The following SND1 variants were observed in gnomAD, a reference collection of about 807,000 sequenced individuals.
The protein encoded by SND1 is staphylococcal nuclease and tudor domain containing 1.
In SND1, 38 loss-of-function variants were observed where a neutral mutation model predicts 121.7. The ratio of observed to expected loss-of-function variants is 0.31; its 90% CI spans 0.24 to 0.41. SND1 has a LOEUF of 0.41. SND1 is among the 10% of genes least tolerant of loss of function. SND1 has a pLI of 1.00. For synonymous variants in SND1, 401 were observed against 447.4 expected (o/e 0.90, Z 1.31); for missense variants, 868 against 1,184.6 (o/e 0.73, Z 3.92).
chr7:127,730,000 G>A (rs1587625372), intron 10 of SND1, among the ~76,000 whole-genome samples: 1 of 152,260 alleles, frequency 6.6e-6, no homozygotes, highest in East Asian at 1.9e-4. Context: ...TCTCGCTCTT[G>A]TTGCCCAGGC....
chr7:127,681,567 G>T (rs978295090), intron 1 of SND1, among the ~76,000 whole-genome samples: 1 of 152,146 alleles, frequency 6.6e-6, no homozygotes, highest in Non-Finnish European at 1.5e-5. Context: ...CTAATGCAAG[G>T]CCATGTAGAT....
chr7:127,974,886 A>G (rs1802078583), intron 15 of SND1, among the ~76,000 whole-genome samples: 1 of 152,152 alleles, frequency 6.6e-6, no homozygotes, highest in African/African-American at 2.4e-5. Flanking sequence ...AGAAAAGGCC[A>G]TCTTCCTTTG....
intron 10 of SND1, among the ~76,000 whole-genome samples, chr7:127,762,265 C>T (rs1797318623): frequency 6.6e-6 from 1 of 152,178 alleles, no homozygotes; most frequent in Admixed American, 6.5e-5. Context: ...GGTTATACAA[C>T]AGAAATTTAT....
intron 12 of SND1, among the ~76,000 whole-genome samples, chr7:127,881,415 C>T (rs1434491436): frequency 6.6e-6 from 1 of 152,098 alleles, no homozygotes; most frequent in Non-Finnish European, 1.5e-5. Flanking sequence ...GGAGTTTACC[C>T]TCAGCCCCTA....
intron 10 of SND1, among the ~76,000 whole-genome samples, chr7:127,746,579 T>C (rs192307707): frequency 3.9e-5 from 6 of 152,328 alleles, no homozygotes; most frequent in African/African-American, 1.2e-4. Flanking sequence ...GCCACAGGCA[T>C]CCTGCTGGTA....
rs79576158 is a variant in SND1, at chr7:127,768,492, G to T, written c.1153-38992G>T. 7.3e-3 allele frequency among the ~76,000 whole-genome samples: 1,113 copies of T among 152,278 alleles called. 12 individuals carry two copies. The highest frequency in any genetic ancestry group is 0.025 in the African/African-American group (1,035 of 41,550). On this transcript the variant is annotated intron_variant, in intron 10 of 23. Transcript: ENST00000354725. ...AATCACTGGGGACTTTTATGGAACAGAGAGGTTTTCTATGATCTTGATAGT... is the reference window on the plus strand; with the variant it reads ...AATCACTGGGGACTTTTATGGAACATAGAGGTTTTCTATGATCTTGATAGT...
intron 12 of SND1, among the ~76,000 whole-genome samples, chr7:127,866,556 A>G (rs1449314022): frequency 6.6e-6 from 1 of 151,922 alleles, no homozygotes; most frequent in Non-Finnish European, 1.5e-5. Flanking sequence ...CTTTCCTTCT[A>G]CTCTTGCCAT....
chr7:127,829,136 C>T (rs775612808), intron 11 of SND1, among the ~76,000 whole-genome samples: 1 of 152,114 alleles, frequency 6.6e-6, no homozygotes, highest in Non-Finnish European at 1.5e-5. Flanking sequence ...CAGTCTGGTT[C>T]GTTTGAATGA....
chr7:128,046,075 G>A (rs1220423011), intron 16 of SND1, among the ~76,000 whole-genome samples: 1 of 152,148 alleles, frequency 6.6e-6, no homozygotes, highest in Non-Finnish European at 1.5e-5. Flanking sequence ...TAGGGATTTG[G>A]AGGAGCCATG....
chr7:127,700,796 C>T (rs375561300), intron 4 of SND1, among the ~76,000 whole-genome samples: 3 of 152,122 alleles, frequency 2.0e-5, no homozygotes, highest in Admixed American at 2.0e-4. Flanking sequence ...CACTACCGAG[C>T]TGTGCCTGGG....
chr7:127,686,600 T>A lies in SND1; in HGVS notation c.79-13T>A. On this transcript the variant is annotated splice_polypyrimidine_tract_variant and intron_variant, in intron 1 of 23. Coordinates refer to ENST00000354725, the MANE Select transcript of SND1 (RefSeq NM_014390.4). ...TCTGGACCATTCATTTTCTCTTTCT[T>A]CCCCCTACGTAGGTCCTCTCAGGGT... 4 of 1,610,616 alleles carry A rather than the reference T, an allele frequency of 2.5e-6. No homozygotes were observed. The highest frequency in any genetic ancestry group is 3.4e-6 in the Non-Finnish European group (4 of 1,177,484).
intron 16 of SND1, chr7:127,997,882 C>T (rs1362606184): frequency 1.9e-6 from 1 of 534,744 alleles, no homozygotes. Context: ...GGAAGGTGCA[C>T]CACCTTTTCT....
At chr7:127,916,961 GA>G (rs1330353421) in intron 14 of SND1, among the ~76,000 whole-genome samples, 3 of 152,190 alleles carry the variant, frequency 2.0e-5, no homozygotes, top group African/African-American at 7.2e-5. Flanking sequence ...ATGTAGTTTT[GA>G]ATGAGTGAGG....
chr7:127,744,482 G>T (rs556639556), intron 10 of SND1, among the ~76,000 whole-genome samples: 58 of 152,190 alleles, frequency 3.8e-4, no homozygotes, highest in Non-Finnish European at 5.6e-4. Flanking sequence ...ACAGTGGGTG[G>T]AAGTAAATGC....
At chr7:128,046,370 T>TG (rs1792948008) in intron 16 of SND1, among the ~76,000 whole-genome samples, 1 of 146,482 alleles carries the variant, frequency 6.8e-6, no homozygotes, top group Admixed American at 6.8e-5. Context: ...GTTGTGTTTT[T>TG]TTTTTTTTTT....
chr7:127,877,823 C>T (rs1455544029), intron 12 of SND1, among the ~76,000 whole-genome samples: 1 of 152,020 alleles, frequency 6.6e-6, no homozygotes, highest in Non-Finnish European at 1.5e-5. Context: ...TGAGATGTGG[C>T]CTCTGAAGCT....
chr7:127,836,657 AT>A (rs1209341008), intron 11 of SND1, among the ~76,000 whole-genome samples: 4 of 152,166 alleles, frequency 2.6e-5, no homozygotes, highest in African/African-American at 9.6e-5. Flanking sequence ...TCTACCAGTT[AT>A]TTGTTTTCTT....
At chr7:127,692,936 T>G (rs1795946840) in intron 2 of SND1, among the ~76,000 whole-genome samples, 1 of 152,250 alleles carries the variant, frequency 6.6e-6, no homozygotes, top group Admixed American at 6.5e-5. Flanking sequence ...GAGATTTCCC[T>G]GCAGGGGCTA....
At chr7:127,773,495 G>A (rs1289770834) in intron 10 of SND1, among the ~76,000 whole-genome samples, 6 of 151,810 alleles carry the variant, frequency 4.0e-5, no homozygotes, top group Middle Eastern at 3.4e-3. Flanking sequence ...AGTCAGGTTA[G>A]AATAATGGTT....
Sources: allele counts gnomAD v4.1 joint callset (sites outside exome capture counted in the v4.1 genomes callset), GRCh38; gene constraint gnomAD v4.1.1; transcripts MANE v1.5; gene names NCBI Gene and HGNC (gene_info 2026-07-23, HGNC 2026-07-21).